Variants in KCND2 observed in about 807,000 individuals in gnomAD.
KCND2 encodes the protein potassium voltage-gated channel subfamily D member 2.
In KCND2, 16 loss-of-function variants were observed where a neutral mutation model predicts 54.4. That is an observed-to-expected ratio of 0.29 (90% CI 0.20 to 0.45). The LOEUF is 0.45. KCND2 is among the 20% of genes least tolerant of loss of function. The pLI is 1.00. For synonymous variants in KCND2, 317 were observed against 310.7 expected, an observed-to-expected ratio of 1.02 and a Z score of -0.21; for missense variants, 486 against 824.2, an observed-to-expected ratio of 0.59 and a Z score of 5.02.
intron 1 of KCND2, among the ~76,000 whole-genome samples, chr7:120,481,622 C>T (rs1802608995): frequency 6.6e-6 from 1 of 152,124 alleles, no homozygotes; most frequent in East Asian, 1.9e-4. Context: ...CAGGGGTGAG[C>T]CCTGGGTGCC....
rs200944488 is a variant in KCND2, at chr7:120,397,995, GTA to G, written c.1115+122290_1115+122291del. Among the ~76,000 whole-genome samples, 140 of 93,070 alleles carry G rather than the reference GTA, an allele frequency of 1.5e-3. 1 individual carries two copies. The highest frequency in any genetic ancestry group is 4.8e-3 in the African/African-American group (108 of 22,646). 61.1% of individuals were successfully genotyped at this position (93,070 alleles called of 152,430 possible). On this transcript the variant is annotated intron_variant, in intron 1 of 5. Coordinates refer to ENST00000331113, the MANE Select transcript of KCND2 (RefSeq NM_012281.3). The stretch of plus-strand genomic sequence containing the variant: ...TAAGTGTGTGTGTGTGTGTGTGTGT[GTA>G]TATATATATATATATATATATATAT...
At chr7:120,309,637 A>G (rs1302171740) in intron 1 of KCND2, among the ~76,000 whole-genome samples, 1 of 151,648 alleles carries the variant, frequency 6.6e-6, no homozygotes, top group Non-Finnish European at 1.5e-5. Flanking sequence ...ATTAACTCAT[A>G]TAATCCCCAA....
intron 1 of KCND2, among the ~76,000 whole-genome samples, chr7:120,487,960 C>T (rs934956892): frequency 3.3e-5 from 5 of 151,996 alleles, no homozygotes; most frequent in Middle Eastern, 3.2e-3. Context: ...GCAGGCAGAT[C>T]GCTTGTGCCC....
chr7:120,567,750 G>T (rs547275389), intron 1 of KCND2, among the ~76,000 whole-genome samples: 1 of 151,698 alleles, frequency 6.6e-6, no homozygotes, highest in Non-Finnish European at 1.5e-5. Context: ...TTATATTTCT[G>T]CCTGCAAAGC....
chr7:120,541,786 AT>A (rs887174595), intron 1 of KCND2, among the ~76,000 whole-genome samples: 3 of 152,156 alleles, frequency 2.0e-5, no homozygotes, highest in African/African-American at 7.2e-5. Flanking sequence ...AATGGGCCAT[AT>A]TATGTCACTA....
intron 1 of KCND2, among the ~76,000 whole-genome samples, chr7:120,622,703 T>A (rs1192055751): frequency 6.8e-6 from 1 of 146,694 alleles, no homozygotes; most frequent in African/African-American, 2.6e-5. Context: ...TCTCTCTCTC[T>A]CTCTCTCTCT....
chr7:120,523,688 T>C (rs115285798), intron 1 of KCND2, among the ~76,000 whole-genome samples: 9,222 of 136,484 alleles, frequency 0.068, 621 homozygotes, highest in African/African-American at 0.2. Context: ...TACACAGATA[T>C]ACACACACAC....
intron 1 of KCND2, among the ~76,000 whole-genome samples, chr7:120,551,471 T>C (rs1158899620): frequency 1.3e-5 from 2 of 152,158 alleles, no homozygotes; most frequent in Non-Finnish European, 2.9e-5. Context: ...TGGAGAAAAT[T>C]TGAGATTGCA....
intron 1 of KCND2, among the ~76,000 whole-genome samples, chr7:120,312,822 C>T (rs1158590932): frequency 6.6e-6 from 1 of 152,132 alleles, no homozygotes; most frequent in Admixed American, 6.6e-5. Flanking sequence ...TTTGGAGATA[C>T]AGGTGGATTA....
intron 1 of KCND2, among the ~76,000 whole-genome samples, chr7:120,701,832 T>C (rs944753172): frequency 6.6e-6 from 1 of 152,110 alleles, no homozygotes; most frequent in Non-Finnish European, 1.5e-5. Context: ...GACTTAAATG[T>C]AAAACTCAAA....
At chr7:120,593,793 C>A (rs2116461353) in intron 1 of KCND2, among the ~76,000 whole-genome samples, 1 of 152,220 alleles carries the variant, frequency 6.6e-6, no homozygotes, top group South Asian at 2.1e-4. Flanking sequence ...TTACCCACTT[C>A]ATTAGAAGGA....
intron 1 of KCND2, among the ~76,000 whole-genome samples, chr7:120,361,970 G>T (rs1345684300): frequency 6.6e-6 from 1 of 151,998 alleles, no homozygotes. Flanking sequence ...GGTTTTGGGA[G>T]AATTTTCTGA....
intron 1 of KCND2, among the ~76,000 whole-genome samples, chr7:120,320,657 T>A (rs1229285681): frequency 6.6e-6 from 1 of 152,092 alleles, no homozygotes; most frequent in African/African-American, 2.4e-5. Flanking sequence ...ATTAAAAGTT[T>A]ATTGTAGTGG....
chr7:120,487,204 G>GA (rs962160698), intron 1 of KCND2, among the ~76,000 whole-genome samples: 4 of 151,748 alleles, frequency 2.6e-5, no homozygotes, highest in Admixed American at 6.6e-5. Context: ...GCTCTTACTA[G>GA]AAAAAAATAA....
Position 120,578,726 on chromosome 7 carries a change from C to T in KCND2, c.1116-154177C>T, listed in dbSNP as rs564159761. On this transcript the variant is annotated intron_variant, in intron 1 of 5. Coordinates refer to ENST00000331113, the MANE Select transcript of KCND2 (RefSeq NM_012281.3). ...TAAAGATACAAAAACATTAACCTGGCGTGGTGGTGTGCACCTGTAACCCAG... is the reference window on the plus strand; with the variant it reads ...TAAAGATACAAAAACATTAACCTGGTGTGGTGGTGTGCACCTGTAACCCAG... 5.9e-5 allele frequency among the ~76,000 whole-genome samples: 9 copies of T among 152,052 alleles called. No homozygotes were observed. In the South Asian group the frequency reaches 1.2e-3, roughly 21 times the overall value.
At chr7:120,404,774 G>A (rs1156505869) in intron 1 of KCND2, among the ~76,000 whole-genome samples, 1 of 25,704 alleles carries the variant, frequency 3.9e-5, no homozygotes, top group Admixed American at 6.1e-4. Context: ...TTTGGGGGGG[G>A]ACCTTTGTGA....
intron 1 of KCND2, among the ~76,000 whole-genome samples, chr7:120,723,212 A>G (rs2116111396): frequency 6.6e-6 from 1 of 152,314 alleles, no homozygotes; most frequent in East Asian, 1.9e-4. Context: ...TGGTGCCATC[A>G]GCCCAAAGCC....
chr7:120,284,366 T>C (rs746030407), intron 1 of KCND2, among the ~76,000 whole-genome samples: 7 of 152,142 alleles, frequency 4.6e-5, no homozygotes, highest in Non-Finnish European at 7.4e-5. Context: ...AAATTAAGGC[T>C]GTCTAACCCT....
chr7:120,553,005 ACGTATCCATCACCTCACATAG>A (rs1372784962), intron 1 of KCND2, among the ~76,000 whole-genome samples: 1 of 152,200 alleles, frequency 6.6e-6, no homozygotes, highest in Admixed American at 6.5e-5. Context: ...AAGCTAATTA[ACGTATCCATCACCTCACATAG>A]TTACTTTTTT....
Sources: gnomAD v4.1 joint callset for allele counts (sites outside exome capture counted in the v4.1 genomes callset) on GRCh38, gnomAD v4.1.1 for gene constraint, MANE v1.5 for transcripts, NCBI Gene and HGNC (gene_info 2026-07-23, HGNC 2026-07-21) for gene names.